The following DIAPH1 variants were observed in gnomAD, a reference collection of about 807,000 sequenced individuals.
DIAPH1 encodes the protein protein diaphanous homolog 1.
Under a neutral mutation model 140.7 loss-of-function variants are expected in DIAPH1, and 46 were observed. The ratio of observed to expected loss-of-function variants is 0.33; its 90% CI spans 0.26 to 0.42. The LOEUF (loss-of-function observed/expected upper bound fraction) is 0.42, where lower values mean the gene tolerates loss of function less well. Ranked by LOEUF, DIAPH1 falls within the 10% of genes least tolerant of loss-of-function variation. The probability of loss-of-function intolerance (pLI) is 1.00; values close to 1 mark genes in which losing one functional copy is unlikely to be tolerated. For missense variants in DIAPH1, 1,310 were observed against 1,558.7 expected, an observed-to-expected ratio of 0.84 and a Z score of 2.69; for synonymous variants, 565 against 551.6, an observed-to-expected ratio of 1.02 and a Z score of -0.34.
chr5:141,540,123 T>A (rs1455665383), intron 18 of DIAPH1, among the ~76,000 whole-genome samples: 1 of 151,882 alleles, frequency 6.6e-6, no homozygotes, highest in Admixed American at 6.6e-5. Context: ...GGTTGTTTTT[T>A]TTCTTTTTTT....
intron 18 of DIAPH1, among the ~76,000 whole-genome samples, chr5:141,562,154 G>C (rs1232299175): frequency 6.6e-6 from 1 of 150,810 alleles, no homozygotes; most frequent in East Asian, 1.9e-4. Context: ...TTTTTAGGAA[G>C]ATCAAAAGGA....
chr5:141,570,412 T>C (rs1468057425), intron 18 of DIAPH1, among the ~76,000 whole-genome samples: 1 of 152,118 alleles, frequency 6.6e-6, no homozygotes, highest in Non-Finnish European at 1.5e-5. Flanking sequence ...GCATGGAAGG[T>C]GACAATTTTC....
chr5:141,579,706 T>C (rs2099896459), intron 8 of DIAPH1, among the ~76,000 whole-genome samples: 1 of 152,054 alleles, frequency 6.6e-6, no homozygotes. Context: ...TCCTAGCACT[T>C]TGGGAGGCCG....
chr5:141,515,108 T>C lies in DIAPH1; in HGVS notation c.*1743A>G, dbSNP rs948336106. The C allele has an allele frequency of 8.5e-5, 13 of 152,526 alleles. No individual in the cohort carries two copies. The highest frequency in any genetic ancestry group is 3.1e-4 in the African/African-American group (13 of 41,420). 9.4% of individuals were successfully genotyped at this position (152,526 alleles called of 1,614,324 possible). A position where few individuals can be genotyped will look rare whatever the true frequency, so the allele number is the denominator to read the frequency against. ...CCAGAAGCCTATGAGGCAAGGGAAA[T>C]AGGTTTGCATTTTGTCCCTCACACC... is the stretch of plus-strand genomic sequence containing the variant. On this transcript the variant is annotated 3_prime_UTR_variant, in exon 28 of 28. Coordinates refer to ENST00000389054, the MANE Select transcript of DIAPH1 (RefSeq NM_005219.5).
intron 1 of DIAPH1, among the ~76,000 whole-genome samples, chr5:141,597,133 A>G (rs1389059267): frequency 6.6e-6 from 1 of 152,212 alleles, no homozygotes; most frequent in Non-Finnish European, 1.5e-5. Context: ...GCAAGTTATC[A>G]AGGAAATAAA....
intron 18 of DIAPH1, among the ~76,000 whole-genome samples, chr5:141,570,898 T>C (rs895143081): frequency 2.6e-5 from 4 of 152,052 alleles, no homozygotes; most frequent in African/African-American, 9.7e-5. Flanking sequence ...AGATCAGCTC[T>C]TGTAAAATAA....
chr5:141,609,556 A>T (rs989287977), intron 1 of DIAPH1, among the ~76,000 whole-genome samples: 2 of 152,166 alleles, frequency 1.3e-5, no homozygotes, highest in Non-Finnish European at 2.9e-5. Flanking sequence ...TAATAACAGT[A>T]CCTATTTTAT....
chr5:141,605,992 C>A (rs2099900878), intron 1 of DIAPH1, among the ~76,000 whole-genome samples: 1 of 152,278 alleles, frequency 6.6e-6, no homozygotes, highest in Middle Eastern at 3.4e-3. Context: ...CACTAGAGAC[C>A]TCTAAGCCTG....
At chr5:141,603,194 AG>A (rs2099900430) in intron 1 of DIAPH1, among the ~76,000 whole-genome samples, 2 of 152,240 alleles carry the variant, frequency 1.3e-5, no homozygotes, top group African/African-American at 4.8e-5. Flanking sequence ...CTGAAGGATT[AG>A]GTAAGACTGT....
Position 141,529,241 on chromosome 5 carries a change from C to T in DIAPH1, c.2709G>A (p.Gln903=). ...NLIKQMPEPE[Q]LKMLSELKDE... is the part of the protein sequence containing the mutation. Reference sequence around the variant, plus strand: ...CCTTCAGTTCAGAAAGCATTTTTAACTGCTCTGGCTCTGGCATTTGCTTAA... The same window carrying T: ...CCTTCAGTTCAGAAAGCATTTTTAATTGCTCTGGCTCTGGCATTTGCTTAA... The change falls in exon 21 of 28, where the codon CAG becomes CAA. Residue 903 remains glutamine, a synonymous_variant. Coordinates refer to ENST00000389054, the MANE Select transcript of DIAPH1 (RefSeq NM_005219.5). 1 of 1,614,196 alleles carries T rather than the reference C, an allele frequency of 6.2e-7. No homozygotes were observed. Among genetic ancestry groups the T allele is most frequent in the Non-Finnish European group, 8.5e-7 (1 of 1,180,024 alleles).
intron 3 of DIAPH1, 43 bp downstream of exon 3, chr5:141,586,998 TA>T: frequency 6.2e-7 from 1 of 1,610,846 alleles, no homozygotes; most frequent in Non-Finnish European, 8.5e-7. Flanking sequence ...ACCATGTCCA[TA>T]AATGCACAGG....
intron 18 of DIAPH1, among the ~76,000 whole-genome samples, chr5:141,538,046 C>A (rs1256744927): frequency 6.7e-6 from 1 of 149,448 alleles, no homozygotes; most frequent in Non-Finnish European, 1.5e-5. Flanking sequence ...CATGAGCCAC[C>A]ATGCCTGGCT....
chr5:141,542,414 C>G (rs904879190), intron 18 of DIAPH1, among the ~76,000 whole-genome samples: 7 of 149,022 alleles, frequency 4.7e-5, no homozygotes, highest in African/African-American at 1.7e-4. Context: ...GACTGGGCAA[C>G]AGAGTGGGAC....
intron 18 of DIAPH1, chr5:141,560,979 T>A (rs2099893442): frequency 2.2e-6 from 1 of 453,798 alleles, no homozygotes; most frequent in Admixed American, 2.4e-5. Flanking sequence ...CCATCTCTGT[T>A]ACTGAAAGTC....
chr5:141,569,179 C>T (rs758512452), intron 18 of DIAPH1, among the ~76,000 whole-genome samples: 1 of 152,138 alleles, frequency 6.6e-6, no homozygotes, highest in Non-Finnish European at 1.5e-5. Flanking sequence ...AGGGCAAGTA[C>T]ATACACACTT....
rs143356915 is a variant in DIAPH1, at chr5:141,577,622, A to AAT, written c.1164-33_1164-32dup. 210,062 of 1,367,952 alleles carry AAT rather than the reference A, an allele frequency of 0.15. 17,331 individuals carry two copies. Among genetic ancestry groups the AAT allele is most frequent in the South Asian group, 0.2 (17,231 of 85,726 alleles). 84.7% of individuals were successfully genotyped at this position (1,367,952 alleles called of 1,614,324 possible). A position where few individuals can be genotyped will look rare whatever the true frequency, so the allele number is the denominator to read the frequency against. The stretch of plus-strand genomic sequence containing the variant: ...AAAGGGAAATAGGCTAAGGAAAGCA[A>AAT]ATATGCAGAAATTATGTTTGACAGG... On this transcript the variant is annotated intron_variant, in intron 11 of 27. Coordinates refer to ENST00000389054, the MANE Select transcript of DIAPH1 (RefSeq NM_005219.5).
intron 18 of DIAPH1, among the ~76,000 whole-genome samples, chr5:141,543,437 G>A (rs2099890304): frequency 6.6e-6 from 1 of 152,216 alleles, no homozygotes; most frequent in Admixed American, 6.5e-5. Flanking sequence ...GAATTAGATA[G>A]TGGTAATGGC....
Position 141,618,688 on chromosome 5 carries a change from A to C in DIAPH1, c.117+110T>G, listed in dbSNP as rs932237805. 29 of 692,908 alleles carry C rather than the reference A, an allele frequency of 4.2e-5. 1 individual carries two copies. The highest frequency in any genetic ancestry group is 7.6e-5 in the African/African-American group (4 of 52,962). 42.9% of individuals were successfully genotyped at this position (692,908 alleles called of 1,614,324 possible). ...TGCGGACCGAGCGAAACGAGGAAGGAAGGCGCGGGGGCGGCTCCCCAAAGC... is the reference window on the plus strand; with the variant it reads ...TGCGGACCGAGCGAAACGAGGAAGGCAGGCGCGGGGGCGGCTCCCCAAAGC... On this transcript the variant is annotated intron_variant, in intron 1 of 27. Coordinates refer to ENST00000389054, the MANE Select transcript of DIAPH1 (RefSeq NM_005219.5).
chr5:141,554,950 C>G (rs1181370046), intron 18 of DIAPH1, among the ~76,000 whole-genome samples: 4 of 151,906 alleles, frequency 2.6e-5, no homozygotes, highest in Non-Finnish European at 5.9e-5. Flanking sequence ...GGTGGGTACT[C>G]TGAGTTGGGG....
Sources: gnomAD v4.1 joint callset for allele counts (sites outside exome capture counted in the v4.1 genomes callset) on GRCh38, gnomAD v4.1.1 for gene constraint, MANE v1.5 for transcripts, NCBI Gene and HGNC (gene_info 2026-07-23, HGNC 2026-07-21) for gene names.